Variants in ST7 observed in about 807,000 individuals in gnomAD.
ST7 encodes the protein suppression of tumorigenicity 7.
Under a neutral mutation model 78.7 loss-of-function variants are expected in ST7, and 28 were observed. That is an observed-to-expected ratio of 0.36 (90% CI 0.26 to 0.49). The LOEUF (loss-of-function observed/expected upper bound fraction) is 0.49. Ranked by LOEUF, ST7 falls within the 20% of genes least tolerant of loss-of-function variation. ST7 has a pLI of 0.99. For synonymous variants in ST7, 247 were observed against 249.6 expected (o/e 0.99, Z 0.10); for missense variants, 418 against 696.0 (o/e 0.60, Z 4.49).
rs567731125 is a variant in ST7, at chr7:117,175,125, A to G, written c.1078+4149A>G. Among the ~76,000 whole-genome samples the G allele has an allele frequency of 6.6e-5, 10 of 152,278 alleles. No homozygotes were observed. The South Asian group carries it at 2.1e-3, about 32-fold the overall frequency. On this transcript the variant is annotated intron_variant, in intron 10 of 15. Transcript: ENST00000323984. ...TTCCAAACATGGCTTTCCATCTTCA[A>G]TCAACTTGTATCTGATTTTTTTAAT... is the stretch of plus-strand genomic sequence containing the variant.
At chr7:117,089,306 G>A (rs929923612) in intron 1 of ST7, among the ~76,000 whole-genome samples, 5 of 152,292 alleles carry the variant, frequency 3.3e-5, no homozygotes, top group East Asian at 1.9e-4. Flanking sequence ...CTGGCCACAC[G>A]TTGAATATGA....
chr7:117,192,104 A>G (rs1464115351), intron 12 of ST7, among the ~76,000 whole-genome samples: 2 of 152,194 alleles, frequency 1.3e-5, no homozygotes, highest in Non-Finnish European at 2.9e-5. Context: ...TTGCAGATTT[A>G]TGTATTGTCC....
chr7:117,112,094 A>ATGTGTGTGTG (rs149580533), intron 2 of ST7, among the ~76,000 whole-genome samples: 4 of 150,908 alleles, frequency 2.7e-5, no homozygotes, highest in African/African-American at 9.7e-5. Context: ...ATATATATGC[A>ATGTGTGTGTG]TGTGTGTGTG....
chr7:117,018,856 T>A (rs929428120), intron 1 of ST7, among the ~76,000 whole-genome samples: 6 of 152,254 alleles, frequency 3.9e-5, no homozygotes, highest in Non-Finnish European at 7.3e-5. Flanking sequence ...TTGTTCTTTA[T>A]CTTATTTAGC....
At chr7:117,129,562 G>A (rs1023338200) in intron 3 of ST7, among the ~76,000 whole-genome samples, 1 of 151,798 alleles carries the variant, frequency 6.6e-6, no homozygotes, top group African/African-American at 2.4e-5. Context: ...ATCTTGATTT[G>A]GCAAGTGAGG....
At chr7:117,084,912 G>A (rs938350566) in intron 1 of ST7, among the ~76,000 whole-genome samples, 6 of 152,164 alleles carry the variant, frequency 3.9e-5, no homozygotes, top group Admixed American at 2.0e-4. Context: ...TCTCAAAAGC[G>A]GTAGGAGCAA....
At chr7:117,100,291 G>A (rs1457772184) in intron 2 of ST7, among the ~76,000 whole-genome samples, 6 of 152,090 alleles carry the variant, frequency 3.9e-5, no homozygotes, top group African/African-American at 1.4e-4. Flanking sequence ...GGCCAGCATG[G>A]TGAAACCCCA....
intron 2 of ST7, among the ~76,000 whole-genome samples, chr7:117,114,989 A>T (rs1004099458): frequency 2.6e-5 from 4 of 152,162 alleles, no homozygotes; most frequent in Non-Finnish European, 4.4e-5. Flanking sequence ...GCTTCTGTCA[A>T]ATAATAATGA....
chr7:117,089,124 C>T (rs1416682619), intron 1 of ST7, among the ~76,000 whole-genome samples: 2 of 152,248 alleles, frequency 1.3e-5, no homozygotes, highest in East Asian at 3.8e-4. Flanking sequence ...TCACTCCATC[C>T]AGCCCATGGC....
intron 1 of ST7, among the ~76,000 whole-genome samples, chr7:116,961,766 CTT>C (rs1278669521): frequency 7.1e-6 from 1 of 140,328 alleles, no homozygotes. Context: ...GGTTTTCTTT[CTT>C]TTTTTTTTTT....
chr7:116,964,141 G>A (rs747572713), intron 1 of ST7, among the ~76,000 whole-genome samples: 2 of 152,170 alleles, frequency 1.3e-5, no homozygotes, highest in Non-Finnish European at 2.9e-5. Flanking sequence ...CACATAAGCT[G>A]CTCATATCTG....
chr7:117,204,615 G>A (rs1323248025), intron 12 of ST7, among the ~76,000 whole-genome samples: 2 of 152,068 alleles, frequency 1.3e-5, no homozygotes, highest in Non-Finnish European at 2.9e-5. Context: ...CTGATTCCAG[G>A]GAGTAAGCAA....
At chr7:117,159,288 T>C (rs1584490274) in intron 9 of ST7, among the ~76,000 whole-genome samples, 1 of 152,188 alleles carries the variant, frequency 6.6e-6, no homozygotes, top group Admixed American at 6.5e-5. Context: ...TCCATTGAAA[T>C]AAACTTGAAC....
intron 1 of ST7, among the ~76,000 whole-genome samples, chr7:116,963,942 T>C (rs1359875680): frequency 6.6e-6 from 1 of 152,164 alleles, no homozygotes; most frequent in Non-Finnish European, 1.5e-5. Flanking sequence ...AATAAAAGAC[T>C]GTGGTTAAGT....
intron 14 of ST7, among the ~76,000 whole-genome samples, chr7:117,221,508 C>G (rs1381814270): frequency 6.6e-6 from 1 of 152,068 alleles, no homozygotes; most frequent in African/African-American, 2.4e-5. Context: ...GACGGGATAC[C>G]TTTTTTCCCT....
At chr7:117,226,884 G>A (rs1356600413) in intron 15 of ST7, among the ~76,000 whole-genome samples, 4 of 152,266 alleles carry the variant, frequency 2.6e-5, no homozygotes, top group East Asian at 3.9e-4. Flanking sequence ...CATTCTATAC[G>A]TTGGAAGCAT....
intron 2 of ST7, among the ~76,000 whole-genome samples, chr7:117,104,083 G>A (rs1801768665): frequency 6.6e-6 from 1 of 152,200 alleles, no homozygotes; most frequent in Non-Finnish European, 1.5e-5. Flanking sequence ...TGATTCTCCT[G>A]CCTCGGCCTC....
At position 117,219,006 on chromosome 7, in the gene ST7, C is replaced by G; in HGVS notation, c.1406-78C>G. On this transcript the variant is annotated intron_variant, in intron 13 of 15. Coordinates refer to ENST00000323984, the MANE Select transcript of ST7 (RefSeq NM_001369598.1). This position sits in a 1 kb window ranked among gnomAD's most constrained non-coding sequence, Gnocchi z 5.1. Reference sequence around the variant, plus strand: ...AGAAGTGTTCCCTGTTATAAAAATGCTCAAACGCCCCTTTTTGCAGTTGGG... The same window carrying G: ...AGAAGTGTTCCCTGTTATAAAAATGGTCAAACGCCCCTTTTTGCAGTTGGG... The G allele has an allele frequency of 8.5e-7, 1 of 1,181,884 alleles. No individual in the cohort carries two copies. Among genetic ancestry groups the G allele is most frequent in the South Asian group, 1.4e-5 (1 of 72,522 alleles). The allele number at this position is 1,181,884 out of a possible 1,614,324, so 73.2% of individuals were successfully genotyped here. A position where few individuals can be genotyped will look rare whatever the true frequency, so the allele number is the denominator to read the frequency against.
chr7:117,014,590 T>C (rs1795523516), intron 1 of ST7, among the ~76,000 whole-genome samples: 1 of 152,234 alleles, frequency 6.6e-6, no homozygotes, highest in Non-Finnish European at 1.5e-5. Context: ...TGGACGCTGA[T>C]TCCTTTCAGG....
Sources: allele counts gnomAD v4.1 joint callset (sites outside exome capture counted in the v4.1 genomes callset), GRCh38; gene constraint gnomAD v4.1.1; non-coding constraint Gnocchi (gnomAD v3.1); transcripts MANE v1.5; gene names NCBI Gene and HGNC (gene_info 2026-07-23, HGNC 2026-07-21).